The following TRAPPC9 variants were observed in gnomAD, a reference collection of about 807,000 sequenced individuals.
TRAPPC9 encodes IKK2 binding protein.
Under a neutral mutation model 124.0 loss-of-function variants are expected in TRAPPC9, and 83 were observed. The observed-to-expected ratio is 0.67, with a 90% CI of 0.56 to 0.80. The LOEUF is 0.80. Ranked by LOEUF, TRAPPC9 falls within the 30% of genes least tolerant of loss-of-function variation. The pLI is 0.00. For missense variants in TRAPPC9, 1,302 were observed against 1,508.3 expected (o/e 0.86, Z 2.27); for synonymous variants, 638 against 617.5 (o/e 1.03, Z -0.49).
chr8:139,958,659 G>A (rs1461374298), intron 19 of TRAPPC9, among the ~76,000 whole-genome samples: 1 of 152,162 alleles, frequency 6.6e-6, no homozygotes, highest in Admixed American at 6.5e-5. Flanking sequence ...CTGAAGGGAG[G>A]CCGACCACTC....
At chr8:140,115,539 T>G (rs1366157820) in intron 17 of TRAPPC9, among the ~76,000 whole-genome samples, 3 of 152,230 alleles carry the variant, frequency 2.0e-5, no homozygotes, top group Non-Finnish European at 1.5e-5. Flanking sequence ...AGTGCTGGGA[T>G]TACAGGCATG....
At chr8:140,283,175 T>G (rs1220293872) in intron 14 of TRAPPC9, among the ~76,000 whole-genome samples, 1 of 151,122 alleles carries the variant, frequency 6.6e-6, no homozygotes, top group Non-Finnish European at 1.5e-5. Flanking sequence ...GAGGTGGAGG[T>G]TGCAGTGAGT....
At chr8:140,296,113 T>C (rs572750226) in intron 11 of TRAPPC9, among the ~76,000 whole-genome samples, 1 of 152,244 alleles carries the variant, frequency 6.6e-6, no homozygotes, top group East Asian at 1.9e-4. Flanking sequence ...TTAAATTTCG[T>C]TCAGTCTTAA....
At chr8:140,400,463 G>A (rs2069227622) in intron 6 of TRAPPC9, among the ~76,000 whole-genome samples, 2 of 152,218 alleles carry the variant, frequency 1.3e-5, no homozygotes, top group Non-Finnish European at 2.9e-5. Context: ...ACCTGCGGCT[G>A]TAATGCAGTT....
chr8:139,981,935 G>A (rs530421985), intron 19 of TRAPPC9, among the ~76,000 whole-genome samples: 21 of 152,310 alleles, frequency 1.4e-4, no homozygotes, highest in Non-Finnish European at 2.5e-4. Flanking sequence ...TGCCAGGTCC[G>A]CTGCACCCTC....
intron 1 of TRAPPC9, among the ~76,000 whole-genome samples, chr8:140,453,860 G>A (rs1465809670): frequency 2.6e-5 from 4 of 152,172 alleles, no homozygotes; most frequent in African/African-American, 9.7e-5. Flanking sequence ...TCAAAATACT[G>A]AGCGGGGGAG....
At chr8:139,920,009 T>G (rs1405209398) in intron 19 of TRAPPC9, among the ~76,000 whole-genome samples, 4 of 152,264 alleles carry the variant, frequency 2.6e-5, no homozygotes, top group Admixed American at 1.3e-4. Flanking sequence ...TGTTCCTCAC[T>G]GAAAATTCTG....
chr8:139,947,924 C>CGAGCGAGA lies in TRAPPC9; in HGVS notation c.2811-37625_2811-37624insTCTCGCTC, dbSNP rs370735716. Among the ~76,000 whole-genome samples the CGAGCGAGA allele has an allele frequency of 1.6e-4, 13 of 83,484 alleles. 1 individual carries two copies. The South Asian group carries it at 3.8e-3, about 24-fold the overall frequency. The allele number at this position is 83,484 out of a possible 152,430, so 54.8% of individuals were successfully genotyped here. A position where few individuals can be genotyped will look rare whatever the true frequency, so the allele number is the denominator to read the frequency against. ...TATATATATAGAGAGAGAGAGAGAGCGAGAGAGAGAGAGAGAGAGAGTATA... is the reference window on the plus strand; with the variant it reads ...TATATATATAGAGAGAGAGAGAGAGCGAGCGAGAGAGAGAGAGAGAGAGAGAGAGTATA... On this transcript the variant is annotated intron_variant, in intron 19 of 22. Coordinates refer to ENST00000438773, the MANE Select transcript of TRAPPC9 (RefSeq NM_001160372.4).
chr8:140,296,016 G>C (rs545414276), intron 11 of TRAPPC9, among the ~76,000 whole-genome samples: 4 of 152,172 alleles, frequency 2.6e-5, no homozygotes, highest in African/African-American at 9.7e-5. Context: ...ATACTATAAA[G>C]AAAAAAGGCC....
chr8:139,921,758 G>T (rs1223221720), intron 19 of TRAPPC9, among the ~76,000 whole-genome samples: 1 of 152,028 alleles, frequency 6.6e-6, no homozygotes, highest in Non-Finnish European at 1.5e-5. Context: ...CAGCTGAGAG[G>T]TAAGCAGGGG....
intron 20 of TRAPPC9, among the ~76,000 whole-genome samples, chr8:139,890,332 C>T (rs1830259021): frequency 6.6e-6 from 1 of 152,256 alleles, no homozygotes; most frequent in South Asian, 2.1e-4. Context: ...AGGTGCCCTG[C>T]TCCAGGCCCA....
intron 17 of TRAPPC9, among the ~76,000 whole-genome samples, chr8:140,178,071 G>A (rs964340131): frequency 4.6e-5 from 7 of 152,014 alleles, no homozygotes; most frequent in Non-Finnish European, 1.0e-4. Context: ...GCATAGTAAT[G>A]TTTTCTGTGA....
chr8:140,191,012 A>G (rs1006008138), intron 17 of TRAPPC9, among the ~76,000 whole-genome samples: 1 of 152,150 alleles, frequency 6.6e-6, no homozygotes, highest in Non-Finnish European at 1.5e-5. Context: ...CTCAAATGAG[A>G]AGAACGGGCA....
rs59633734 is a variant in TRAPPC9 at position 140,152,929 on chromosome 8, G to A, written c.2556+68530C>T. 8.7e-3 allele frequency among the ~76,000 whole-genome samples: 1,332 copies of A among 152,250 alleles called. 22 individuals are homozygous for A. Among genetic ancestry groups the A allele is most frequent in the African/African-American group, 0.031 (1,282 of 41,548 alleles). On this transcript the variant is annotated intron_variant, in intron 17 of 22. Coordinates refer to ENST00000438773, the MANE Select transcript of TRAPPC9 (RefSeq NM_001160372.4). The stretch of plus-strand genomic sequence containing the variant: ...TGCACAATGTTGAATCTAAGTGGCA[G>A]GAGTGGACATTCCTATCTTATTCCT...
chr8:140,391,447 T>C (rs1442891298), intron 7 of TRAPPC9, among the ~76,000 whole-genome samples: 5 of 152,240 alleles, frequency 3.3e-5, no homozygotes, highest in African/African-American at 7.2e-5. Flanking sequence ...GTGCAGTGGC[T>C]CACGCCTGTA....
At chr8:140,412,091 C>A (rs1362546334) in intron 5 of TRAPPC9, among the ~76,000 whole-genome samples, 1 of 152,176 alleles carries the variant, frequency 6.6e-6, no homozygotes, top group Non-Finnish European at 1.5e-5. Context: ...AAAATAGTAA[C>A]TTTACAGTGG....
intron 21 of TRAPPC9, among the ~76,000 whole-genome samples, chr8:139,857,262 C>T (rs928614128): frequency 9.2e-5 from 14 of 152,134 alleles, no homozygotes; most frequent in Non-Finnish European, 1.9e-4. Context: ...GCAGGACACA[C>T]GCAGGAGTCT....
chr8:140,080,081 T>C (rs1258948026), intron 17 of TRAPPC9, among the ~76,000 whole-genome samples: 1 of 152,170 alleles, frequency 6.6e-6, no homozygotes, highest in Admixed American at 6.5e-5. Context: ...ATTAACCCTG[T>C]TTCATCAAAA....
chr8:140,439,136 C>A lies in TRAPPC9; in HGVS notation c.646G>T (p.Ala216Ser). Residue 216 changes from alanine to serine, a missense_variant, in exon 3 of 23, where the codon GCA (alanine) becomes TCA (serine). Coordinates refer to ENST00000438773, the MANE Select transcript of TRAPPC9 (RefSeq NM_001160372.4). ...RKHVGDLCLQ[A>S]GMLQDSLVHY... ...ACCAGGGAGTCCTGCAGCATCCCTG[C>A]CTGCAGGCACAGGTCCCCCACGTGC... 1 of 1,614,126 alleles carries A rather than the reference C, an allele frequency of 6.2e-7. No homozygotes were observed. Among genetic ancestry groups the A allele is most frequent in the Non-Finnish European group, 8.5e-7 (1 of 1,179,950 alleles).
Sources: gnomAD v4.1 joint callset for allele counts (sites outside exome capture counted in the v4.1 genomes callset) on GRCh38, gnomAD v4.1.1 for gene constraint, MANE v1.5 for transcripts, NCBI Gene and HGNC (gene_info 2026-07-23, HGNC 2026-07-21) for gene names.